Variants in IGSF21 observed in about 807,000 individuals in gnomAD.
The protein encoded by IGSF21 is immunoglobin superfamily member 21.
IGSF21 carries 28 observed loss-of-function variants against 46.8 expected under a neutral mutation model. That is an observed-to-expected ratio of 0.60 (90% CI 0.44 to 0.82). The LOEUF is 0.82. Ranked by LOEUF, IGSF21 falls within the 40% of genes least tolerant of loss-of-function variation. The probability of loss-of-function intolerance (pLI) is 0.00; values close to 1 mark genes in which losing one functional copy is unlikely to be tolerated. For missense variants in IGSF21, 624 were observed against 665.5 expected, an observed-to-expected ratio of 0.94 and a Z score of 0.69; for synonymous variants, 284 against 273.6, an observed-to-expected ratio of 1.04 and a Z score of -0.38.
chr1:18,164,967 G>C (rs1374486961), intron 1 of IGSF21, among the ~76,000 whole-genome samples: 1 of 141,852 alleles, frequency 7.0e-6, no homozygotes. Flanking sequence ...TCCCACCTGT[G>C]AGTGAGAACA....
rs576982941 is a variant in IGSF21, at chr1:18,218,330, A to G, written c.71-9568A>G. Among the ~76,000 whole-genome samples, 3 of 152,218 alleles carry G rather than the reference A, an allele frequency of 2.0e-5. No homozygotes were observed. In the East Asian group the frequency reaches 5.8e-4, roughly 29 times the overall value. On this transcript the variant is annotated intron_variant, in intron 1 of 9. Transcript: ENST00000251296. ...AGGGAAAAGTCTGCCTCCATTGCCC[A>G]GTCACCTCCCACCAGGTCCGTCTTC...
At chr1:18,348,598 G>C (rs1035227453) in intron 4 of IGSF21, among the ~76,000 whole-genome samples, 5 of 152,172 alleles carry the variant, frequency 3.3e-5, no homozygotes, top group African/African-American at 1.2e-4. Context: ...AGTGCCTCGG[G>C]CCCAGTGATT....
chr1:18,181,195 G>C (rs1015239615), intron 1 of IGSF21, among the ~76,000 whole-genome samples: 1 of 152,210 alleles, frequency 6.6e-6, no homozygotes, highest in Non-Finnish European at 1.5e-5. Context: ...TGCGGCGGAT[G>C]TGTTCTGGCA....
intron 1 of IGSF21, among the ~76,000 whole-genome samples, chr1:18,130,599 C>T (rs2086310127): frequency 6.6e-6 from 1 of 152,182 alleles, no homozygotes; most frequent in East Asian, 1.9e-4. Flanking sequence ...AACTGAGGAA[C>T]TCAGAAAGGG....
chr1:18,166,071 T>G (rs1484502991), intron 1 of IGSF21, among the ~76,000 whole-genome samples: 3 of 152,210 alleles, frequency 2.0e-5, no homozygotes, highest in Non-Finnish European at 4.4e-5. Context: ...GTGTACCCTT[T>G]CTGCAGAAAG....
chr1:18,303,474 G>A (rs1557633932), intron 3 of IGSF21, among the ~76,000 whole-genome samples: 1 of 152,176 alleles, frequency 6.6e-6, no homozygotes, highest in Non-Finnish European at 1.5e-5. Context: ...CCACCTCTGG[G>A]TAGTGGCTTG....
chr1:18,165,099 GTA>G (rs1374433131), intron 1 of IGSF21, among the ~76,000 whole-genome samples: 1 of 151,976 alleles, frequency 6.6e-6, no homozygotes, highest in East Asian at 1.9e-4. Flanking sequence ...ATTTCATGGT[GTA>G]TATGTGCCAC....
At chr1:18,119,394 T>C (rs758902787) in intron 1 of IGSF21, among the ~76,000 whole-genome samples, 1 of 152,222 alleles carries the variant, frequency 6.6e-6, no homozygotes, top group African/African-American at 2.4e-5. Context: ...TTCTACACAT[T>C]CAGTTCCTCA....
At chr1:18,227,020 A>G (rs1450091153) in intron 1 of IGSF21, among the ~76,000 whole-genome samples, 1 of 152,214 alleles carries the variant, frequency 6.6e-6, no homozygotes, top group Non-Finnish European at 1.5e-5. Flanking sequence ...TGTGGCTACC[A>G]GGGCAAGAGT....
intron 1 of IGSF21, among the ~76,000 whole-genome samples, chr1:18,141,322 G>A (rs931040458): frequency 2.0e-5 from 3 of 152,280 alleles, no homozygotes; most frequent in Middle Eastern, 3.4e-3. Flanking sequence ...GAGGTGAATG[G>A]TGGGCCAAAG....
rs1390285657 is a variant in IGSF21, at chr1:18,365,935, T to A, written c.1015+238T>A. On this transcript the variant is annotated intron_variant, in intron 6 of 9. Transcript: ENST00000251296. The surrounding 1 kb of genome is among the most constrained non-coding windows in gnomAD (Gnocchi z 4.8). Reference sequence around the variant, plus strand: ...AGTTTGCTGGGTTGAGCCAAGAACATGAGAGGTCAGAAGAGTTTGCTGGAT... The same window carrying A: ...AGTTTGCTGGGTTGAGCCAAGAACAAGAGAGGTCAGAAGAGTTTGCTGGAT... Among the ~76,000 whole-genome samples the A allele has an allele frequency of 6.6e-6, 1 of 151,874 alleles. No individual in the cohort carries two copies. The highest frequency in any genetic ancestry group is 1.5e-5 in the Non-Finnish European group (1 of 67,984).
chr1:18,300,421 C>T (rs1201056110), intron 3 of IGSF21, among the ~76,000 whole-genome samples: 2 of 152,200 alleles, frequency 1.3e-5, no homozygotes, highest in African/African-American at 4.8e-5. Context: ...TATCTGCCAA[C>T]AGGTGGTTAT....
At chr1:18,108,547 G>A (rs1013400441) in intron 1 of IGSF21, among the ~76,000 whole-genome samples, 1 of 151,774 alleles carries the variant, frequency 6.6e-6, no homozygotes, top group African/African-American at 2.4e-5. Flanking sequence ...GCGTGTGAGT[G>A]AGCGAGGGTC....
chr1:18,270,288 G>C (rs1035827382), intron 2 of IGSF21, among the ~76,000 whole-genome samples: 1 of 152,178 alleles, frequency 6.6e-6, no homozygotes, highest in Admixed American at 6.5e-5. Context: ...GAACAGTTCT[G>C]AGATTTTCTT....
chr1:18,339,755 AAAC>A (rs139758197), intron 4 of IGSF21, among the ~76,000 whole-genome samples: 230 of 152,312 alleles, frequency 1.5e-3, no homozygotes, highest in African/African-American at 5.2e-3. Flanking sequence ...CAATAAAACC[AAAC>A]AACAACAACG....
In IGSF21 at chr1:18,188,190, AAAG is replaced by A. The variant is rs139241290; in HGVS notation, c.71-39700_71-39698del. 3.2e-3 allele frequency among the ~76,000 whole-genome samples: 490 copies of A among 152,288 alleles called. 11 individuals are homozygous for A. In the East Asian group the frequency reaches 0.055, roughly 17 times the overall value. On this transcript the variant is annotated intron_variant, in intron 1 of 9. Transcript: ENST00000251296. ...TCTGAAACAAAAATAAATTTTCGAA[AAAG>A]AAGAAGAGGAAAAAGTCACGTGGAA...
chr1:18,169,729 G>A (rs2086717652), intron 1 of IGSF21, among the ~76,000 whole-genome samples: 1 of 152,186 alleles, frequency 6.6e-6, no homozygotes, highest in Non-Finnish European at 1.5e-5. Flanking sequence ...TGTTTGGTAG[G>A]GAGAGCAGGG....
At chr1:18,143,559 A>G (rs546583020) in intron 1 of IGSF21, among the ~76,000 whole-genome samples, 1 of 152,096 alleles carries the variant, frequency 6.6e-6, no homozygotes, top group Non-Finnish European at 1.5e-5. Flanking sequence ...CACACCACAG[A>G]CGCCTTGTGG....
At chr1:18,259,674 G>T (rs112408631) in intron 2 of IGSF21, among the ~76,000 whole-genome samples, 2 of 152,210 alleles carry the variant, frequency 1.3e-5, no homozygotes, top group Admixed American at 6.5e-5. Context: ...AGGAGGAAGG[G>T]TGTGTGAGTG....
Sources: gnomAD v4.1 joint callset for allele counts (sites outside exome capture counted in the v4.1 genomes callset) on GRCh38, gnomAD v4.1.1 for gene constraint, Gnocchi (gnomAD v3.1) non-coding constraint, MANE v1.5 for transcripts, NCBI Gene and HGNC (gene_info 2026-07-23, HGNC 2026-07-21) for gene names.